LRP1B: variants seen among roughly 807,000 people sequenced by gnomAD.
LRP1B encodes low-density lipoprotein receptor-related protein 1B.
Under a neutral mutation model 556.6 loss-of-function variants are expected in LRP1B, and 217 were observed. The ratio of observed to expected loss-of-function variants is 0.39; its 90% CI spans 0.35 to 0.44. The LOEUF is 0.44. Among genes scored for constraint, LRP1B ranks in the 20% least tolerant of loss-of-function variants. The pLI, the probability that LRP1B is intolerant of heterozygous loss-of-function variation, is 1.00. For synonymous variants in LRP1B, 2,047 were observed against 1,865.8 expected, an observed-to-expected ratio of 1.10 and a Z score of -2.50; for missense variants, 5,053 against 5,620.8, an observed-to-expected ratio of 0.90 and a Z score of 3.23.
chr2:140,789,820 C>T (rs1266396793), intron 32 of LRP1B, among the ~76,000 whole-genome samples: 3 of 150,838 alleles, frequency 2.0e-5, no homozygotes, highest in Non-Finnish European at 3.0e-5. Flanking sequence ...TTAGTAGAGA[C>T]GGGGTTTCAC....
intron 35 of LRP1B, among the ~76,000 whole-genome samples, chr2:140,744,653 T>C (rs1054601631): frequency 1.3e-5 from 2 of 152,238 alleles, no homozygotes; most frequent in Non-Finnish European, 2.9e-5. Flanking sequence ...TTCAAGTATT[T>C]GCTACAATTC....
chr2:140,683,488 T>G, intron 41 of LRP1B: 12 of 572,284 alleles, frequency 2.1e-5, no homozygotes, highest in Non-Finnish European at 2.7e-5. Context: ...ACCCAAGGTT[T>G]GAGATCTTGA....
At chr2:141,532,084 T>G (rs993384952) in intron 2 of LRP1B, among the ~76,000 whole-genome samples, 1 of 152,182 alleles carries the variant, frequency 6.6e-6, no homozygotes, top group African/African-American at 2.4e-5. Context: ...AATACCTGTA[T>G]TATTTCCTGT....
intron 66 of LRP1B, among the ~76,000 whole-genome samples, chr2:140,387,681 T>G (rs1039165786): frequency 2.0e-5 from 3 of 152,094 alleles, no homozygotes; most frequent in African/African-American, 7.2e-5. Context: ...TTATATTATG[T>G]CCACTTTGTC....
chr2:140,849,823 A>G (rs1298313878), intron 29 of LRP1B, among the ~76,000 whole-genome samples: 3 of 152,170 alleles, frequency 2.0e-5, no homozygotes, highest in African/African-American at 7.2e-5. Context: ...TACCGCTGTG[A>G]GCCACCGTGC....
intron 3 of LRP1B, among the ~76,000 whole-genome samples, chr2:141,292,688 C>T (rs1235388673): frequency 2.0e-5 from 3 of 152,096 alleles, no homozygotes; most frequent in Non-Finnish European, 2.9e-5. Flanking sequence ...ATGAGAAAAT[C>T]ATCAGACAAT....
chr2:140,969,880 C>T (rs1311374563), intron 18 of LRP1B, among the ~76,000 whole-genome samples: 5 of 152,110 alleles, frequency 3.3e-5, no homozygotes, highest in Admixed American at 1.3e-4. Flanking sequence ...GAGTTTCTGC[C>T]GAGAGATCAG....
At chr2:141,096,140 C>T (rs1001652824) in intron 7 of LRP1B, among the ~76,000 whole-genome samples, 1 of 152,060 alleles carries the variant, frequency 6.6e-6, no homozygotes, top group Non-Finnish European at 1.5e-5. Flanking sequence ...TCCTATTATA[C>T]TTCCCCATGC....
At chr2:141,777,927 A>G (rs890248479) in intron 2 of LRP1B, among the ~76,000 whole-genome samples, 2 of 152,312 alleles carry the variant, frequency 1.3e-5, no homozygotes, top group Admixed American at 1.3e-4. Context: ...CTATTCATAG[A>G]GCATACATGA....
chr2:141,093,921 T>C (rs1035954978), intron 7 of LRP1B, among the ~76,000 whole-genome samples: 2 of 152,196 alleles, frequency 1.3e-5, no homozygotes, highest in Admixed American at 6.5e-5. Flanking sequence ...TTCACCACAT[T>C]AGCCAGGCTG....
chr2:140,963,911 T>C (rs1399505648), intron 18 of LRP1B, among the ~76,000 whole-genome samples: 1 of 152,048 alleles, frequency 6.6e-6, no homozygotes, highest in Non-Finnish European at 1.5e-5. Context: ...CGAGAGAGTG[T>C]AGAAATAAAG....
rs1682910995 is a variant in LRP1B, at chr2:141,218,654, A to G, written c.850+10529T>C. On this transcript the variant is annotated intron_variant, in intron 6 of 90. Transcript: ENST00000389484. ...GGGAAGGGGTAAAGGGAAAAGATTG[A>G]AAAACTACCTATTGGATACTACATT... 2.6e-5 allele frequency among the ~76,000 whole-genome samples: 4 copies of G among 152,214 alleles called. No homozygotes were observed. In the South Asian group the frequency reaches 8.3e-4, roughly 32 times the overall value.
intron 2 of LRP1B, among the ~76,000 whole-genome samples, chr2:141,653,301 C>T (rs1574198490): frequency 6.6e-6 from 1 of 152,088 alleles, no homozygotes; most frequent in Non-Finnish European, 1.5e-5. Flanking sequence ...GCAAGATCAT[C>T]GTGTGGAGAG....
intron 70 of LRP1B, 89 bp from the exon 71 acceptor site, chr2:140,370,931 G>A (rs1682967102): frequency 1.5e-6 from 2 of 1,354,704 alleles, no homozygotes; most frequent in Admixed American, 1.9e-5. Flanking sequence ...TAATACTAGA[G>A]CTTTATTATA....
chr2:141,478,676 T>TAAG (rs1682803095), intron 3 of LRP1B, among the ~76,000 whole-genome samples: 1 of 151,976 alleles, frequency 6.6e-6, no homozygotes, highest in Non-Finnish European at 1.5e-5. Flanking sequence ...CCCAAGTAGC[T>TAAG]GGGAATACAG....
chr2:141,828,260 G>A (rs1050276201), intron 1 of LRP1B, among the ~76,000 whole-genome samples: 1 of 151,336 alleles, frequency 6.6e-6, no homozygotes, highest in Non-Finnish European at 1.5e-5. Flanking sequence ...TATTAATTAT[G>A]GTAAAATTAT....
intron 37 of LRP1B, among the ~76,000 whole-genome samples, chr2:140,712,895 T>G (rs1687083218): frequency 6.6e-6 from 1 of 152,080 alleles, no homozygotes; most frequent in Admixed American, 6.6e-5. Context: ...CTTTTACAGT[T>G]CAGTAATTTC....
intron 3 of LRP1B, among the ~76,000 whole-genome samples, chr2:141,342,204 A>C (rs1688089120): frequency 6.7e-6 from 1 of 149,802 alleles, no homozygotes. Context: ...AGATCGTGCC[A>C]CCGCACTCCA....
chr2:141,144,347 T>C (rs552139626), intron 7 of LRP1B, among the ~76,000 whole-genome samples: 32 of 152,340 alleles, frequency 2.1e-4, no homozygotes, highest in Middle Eastern at 6.8e-3. Context: ...CAAGTTAGTG[T>C]TGAAATATGA....
Sources: gnomAD v4.1 joint callset for allele counts (sites outside exome capture counted in the v4.1 genomes callset) on GRCh38, gnomAD v4.1.1 for gene constraint, MANE v1.5 for transcripts, NCBI Gene and HGNC (gene_info 2026-07-23, HGNC 2026-07-21) for gene names.